DOCK10: variants seen among roughly 807,000 people sequenced by gnomAD.
DOCK10 encodes the protein dedicator of cytokinesis 10.
DOCK10 carries 145 observed loss-of-function variants against 280.1 expected under a neutral mutation model. That is an observed-to-expected ratio of 0.52 (90% CI 0.45 to 0.59). DOCK10 has a LOEUF of 0.59. Ranked by LOEUF, DOCK10 falls within the 20% of genes least tolerant of loss-of-function variation. The probability of loss-of-function intolerance (pLI) is 0.00; values close to 1 mark genes in which losing one functional copy is unlikely to be tolerated. For synonymous variants in DOCK10, 915 were observed against 942.2 expected (o/e 0.97, Z 0.53); for missense variants, 2,368 against 2,651.7 (o/e 0.89, Z 2.35).
At chr2:224,792,892 TAAG>T in intron 47 of DOCK10, 79 bp downstream of exon 47, 2 of 1,078,142 alleles carry the variant, frequency 1.9e-6, no homozygotes, top group South Asian at 3.0e-5. Context: ...AGAATATATT[TAAG>T]AAGGTTTCAC....
At chr2:224,799,661 C>T (rs1230830563) in intron 41 of DOCK10, among the ~76,000 whole-genome samples, 1 of 151,922 alleles carries the variant, frequency 6.6e-6, no homozygotes, top group Non-Finnish European at 1.5e-5. Context: ...CTAGTTTCTC[C>T]ACACCCTTGC....
At position 224,796,271 on chromosome 2, in the gene DOCK10, G is replaced by A. The variant is rs1692568819; in HGVS notation, c.4938+45C>T. ...TATCTCACAAAAAGAATCCACTTCA[G>A]ATTTAAAAAAATTCTGCAGTAAAAG... On this transcript the variant is annotated intron_variant, in intron 44 of 55. Coordinates refer to ENST00000258390, the MANE Select transcript of DOCK10 (RefSeq NM_014689.3). 2.4e-6 allele frequency: 3 copies of A among 1,239,244 alleles called. No individual in the cohort carries two copies. In the East Asian group the frequency reaches 7.6e-5, roughly 31 times the overall value. 76.8% of individuals were successfully genotyped at this position (1,239,244 alleles called of 1,614,324 possible). A position where few individuals can be genotyped will look rare whatever the true frequency, so the allele number is the denominator to read the frequency against.
intron 11 of DOCK10, among the ~76,000 whole-genome samples, chr2:224,868,365 G>A (rs1698061073): frequency 6.6e-6 from 1 of 152,102 alleles, no homozygotes; most frequent in South Asian, 2.1e-4. Flanking sequence ...TTGCATACAT[G>A]CACATATATG....
rs1025673383 is a variant in DOCK10, at chr2:224,774,898, C to A, written c.6013+7G>T. ...GCCACATGTGTGGCCCGGCTACCTG[C>A]ACCTACTTGTCAGGATCGTCCGCCG... On this transcript the variant is annotated splice_region_variant and intron_variant, in intron 52 of 55. Coordinates refer to ENST00000258390, the MANE Select transcript of DOCK10 (RefSeq NM_014689.3). 3 of 1,580,036 alleles carry A rather than the reference C, an allele frequency of 1.9e-6. No homozygotes were observed. Among genetic ancestry groups the A allele is most frequent in the Non-Finnish European group, 2.6e-6 (3 of 1,162,224 alleles).
At chr2:224,961,412 C>T (rs370981116) in intron 1 of DOCK10, among the ~76,000 whole-genome samples, 9 of 119,464 alleles carry the variant, frequency 7.5e-5, no homozygotes, top group Non-Finnish European at 1.4e-4. Flanking sequence ...TTCTTTCTTT[C>T]TCTTTCTTTC....
In DOCK10 at chr2:224,828,015, C is replaced by T. The variant is rs1479585135; in HGVS notation, c.3036+2526G>A. On this transcript the variant is annotated intron_variant, in intron 27 of 55. Coordinates refer to ENST00000258390, the MANE Select transcript of DOCK10 (RefSeq NM_014689.3). ...CTCCCTATTAAGTGTCAGCACTCCT[C>T]CCATGCAAGATGATATTGCAAAGGC... Among the ~76,000 whole-genome samples, 3 of 152,156 alleles carry T rather than the reference C, an allele frequency of 2.0e-5. No individual in the cohort carries two copies. The East Asian group carries it at 5.8e-4, about 29-fold the overall frequency.
chr2:224,885,786 AAGT>A lies in DOCK10; in HGVS notation c.629_631del (p.Tyr210del). On this transcript the variant is annotated inframe_deletion, in exon 7 of 56. Coordinates refer to ENST00000258390, the MANE Select transcript of DOCK10 (RefSeq NM_014689.3). ...GTTATCTGGTAACTGAGTCAGCTGG[AAGT>A]AGCGCTTTTTGAATGACTAAATAAA... The A allele has an allele frequency of 6.2e-7, 1 of 1,613,204 alleles. No homozygotes were observed. Among genetic ancestry groups the A allele is most frequent in the Non-Finnish European group, 8.5e-7 (1 of 1,179,738 alleles).
chr2:224,886,886 A>ACCCCCCCCCCCCCCC (rs879598680), intron 4 of DOCK10, among the ~76,000 whole-genome samples: 6 of 135,190 alleles, frequency 4.4e-5, no homozygotes, highest in African/African-American at 1.8e-4. Flanking sequence ...AGCACCCCCA[A>ACCCCCCCCCCCCCCC]CACCCCCCCA....
intron 27 of DOCK10, among the ~76,000 whole-genome samples, chr2:224,828,032 T>C (rs1694982801): frequency 6.6e-6 from 1 of 152,136 alleles, no homozygotes; most frequent in African/African-American, 2.4e-5. Flanking sequence ...AAGATGATAT[T>C]GCAAAGGCCT....
At chr2:224,861,097 T>A (rs1697471137) in intron 14 of DOCK10, 1 of 152,236 alleles carries the variant, frequency 6.6e-6, no homozygotes, top group Admixed American at 6.5e-5. Flanking sequence ...GTTTAATCAG[T>A]GAATTATAAT....
chr2:224,816,156 T>C (rs977367749), intron 30 of DOCK10, among the ~76,000 whole-genome samples: 4 of 151,036 alleles, frequency 2.6e-5, no homozygotes, highest in Non-Finnish European at 5.9e-5. Context: ...TGCATCTTGA[T>C]ATTTGATTAG....
At chr2:224,833,055 C>G (rs1695337259) in intron 26 of DOCK10, among the ~76,000 whole-genome samples, 1 of 152,176 alleles carries the variant, frequency 6.6e-6, no homozygotes, top group Non-Finnish European at 1.5e-5. Flanking sequence ...CATATTTTAA[C>G]TGAGCAGTGA....
At position 225,023,866 on chromosome 2, in the gene DOCK10, G is replaced by A. The variant is rs191583318; in HGVS notation, c.123+18386C>T. Among the ~76,000 whole-genome samples, 567 of 152,306 alleles carry A rather than the reference G, an allele frequency of 3.7e-3. 6 individuals are homozygous for A. Among genetic ancestry groups the A allele is most frequent in the African/African-American group, 0.013 (527 of 41,568 alleles). ...ATAGCAAAGGTATAAAAAGCAGCGG[G>A]GGAATCTCAGAAGATCTCCCACAAG... On this transcript the variant is annotated intron_variant, in intron 1 of 55. Transcript: ENST00000258390.
chr2:224,984,470 T>A (rs888522481), intron 1 of DOCK10, among the ~76,000 whole-genome samples: 1 of 152,212 alleles, frequency 6.6e-6, no homozygotes, highest in East Asian at 1.9e-4. Context: ...CTCTGAGGAA[T>A]TCACCCCTAT....
intron 1 of DOCK10, among the ~76,000 whole-genome samples, chr2:225,020,890 A>G (rs1689766717): frequency 6.6e-6 from 1 of 152,224 alleles, no homozygotes; most frequent in Non-Finnish European, 1.5e-5. Flanking sequence ...TAAATGTGAT[A>G]GAGTGCATAT....
At chr2:224,921,104 A>ATATATATATATAT (rs1553613910) in intron 2 of DOCK10, among the ~76,000 whole-genome samples, 6 of 50,006 alleles carry the variant, frequency 1.2e-4, no homozygotes, top group African/African-American at 7.0e-4. Flanking sequence ...AAAAAAAAAA[A>ATATATATATATAT]AAAAAAAAAT....
rs1384834499 is a variant in DOCK10, at chr2:225,035,580, AT to A, written c.123+6671del. 1.2e-3 allele frequency among the ~76,000 whole-genome samples: 129 copies of A among 109,420 alleles called. 4 individuals are homozygous for A. The highest frequency in any genetic ancestry group is 0.011 in the South Asian group (40 of 3,808). 71.8% of individuals were successfully genotyped at this position (109,420 alleles called of 152,430 possible). ...TATATATATATATATATATATATAT[AT>A]ATATATAACACTGAATCAGTGTTAA... On this transcript the variant is annotated intron_variant, in intron 1 of 55. Transcript: ENST00000258390.
chr2:224,928,150 G>A (rs1463019263), intron 2 of DOCK10, among the ~76,000 whole-genome samples: 1 of 152,210 alleles, frequency 6.6e-6, no homozygotes, highest in Non-Finnish European at 1.5e-5. Flanking sequence ...TGTGGGTGAA[G>A]CAGGTAACAT....
intron 50 of DOCK10, among the ~76,000 whole-genome samples, chr2:224,783,065 T>G (rs1379820965): frequency 2.0e-5 from 3 of 152,176 alleles, no homozygotes; most frequent in Non-Finnish European, 4.4e-5. Context: ...CCCATAGTTC[T>G]CACTCTCCAT....
Sources: allele counts gnomAD v4.1 joint callset (sites outside exome capture counted in the v4.1 genomes callset), GRCh38; gene constraint gnomAD v4.1.1; transcripts MANE v1.5; gene names NCBI Gene and HGNC (gene_info 2026-07-23, HGNC 2026-07-21).